Variants in MSI2 observed in about 807,000 individuals in gnomAD.
MSI2 encodes the protein musashi RNA binding protein 2.
In MSI2, 17 loss-of-function variants were observed where a neutral mutation model predicts 45.6. The ratio of observed to expected loss-of-function variants is 0.37; its 90% CI spans 0.26 to 0.56. The LOEUF is 0.56. Among genes scored for constraint, MSI2 ranks in the 20% least tolerant of loss-of-function variants. The pLI is 0.77. For synonymous variants in MSI2, 156 were observed against 158.2 expected (o/e 0.99, Z 0.11); for missense variants, 293 against 444.2 (o/e 0.66, Z 3.06).
chr17:57,266,406 G>A (rs771950014), intron 5 of MSI2: 27 of 152,122 alleles, frequency 1.8e-4, no homozygotes, highest in Non-Finnish European at 3.7e-4. Flanking sequence ...CTGTCGCCCA[G>A]GCTGGAGTGC....
chr17:57,316,708 A>G (rs1462731630), intron 5 of MSI2, among the ~76,000 whole-genome samples: 1 of 151,864 alleles, frequency 6.6e-6, no homozygotes, highest in East Asian at 1.9e-4. Context: ...TGGTCTTTGG[A>G]GGCATGTGAG....
At chr17:57,376,983 C>T (rs57563427) in intron 5 of MSI2, among the ~76,000 whole-genome samples, 11 of 151,024 alleles carry the variant, frequency 7.3e-5, no homozygotes, top group South Asian at 2.1e-4. Context: ...GGCAGTGGCG[C>T]GATCTCGGCT....
chr17:57,264,603 A>G (rs1907609236), intron 5 of MSI2: 1 of 152,256 alleles, frequency 6.6e-6, no homozygotes, highest in Admixed American at 6.5e-5. Flanking sequence ...TTGAATTTAT[A>G]TGCCAGGCAC....
At chr17:57,389,191 C>T (rs2083741262) in intron 5 of MSI2, among the ~76,000 whole-genome samples, 2 of 151,978 alleles carry the variant, frequency 1.3e-5, no homozygotes. Context: ...ATTGGCCAGG[C>T]TGGTCTCAAA....
At position 57,407,343 on chromosome 17, in the gene MSI2, G is replaced by A. The variant is rs2084103539; in HGVS notation, c.405+5872G>A. Among the ~76,000 whole-genome samples, 1 of 152,106 alleles carries A rather than the reference G, an allele frequency of 6.6e-6. No individual in the cohort carries two copies. The highest frequency in any genetic ancestry group is 1.9e-4 in the East Asian group (1 of 5,192). ...TCAGACACCCCTTTTGATACTGTAT[G>A]TGTGAGGAGAGTCATACCTGGAATA... On this transcript the variant is annotated intron_variant, in intron 6 of 13. Coordinates refer to ENST00000284073, the MANE Select transcript of MSI2 (RefSeq NM_138962.4). This position sits in a 1 kb window ranked among gnomAD's most constrained non-coding sequence, Gnocchi z 4.1.
chr17:57,408,348 G>A lies in MSI2; in HGVS notation c.405+6877G>A, dbSNP rs192225712. On this transcript the variant is annotated intron_variant, in intron 6 of 13. Transcript: ENST00000284073. Reference sequence around the variant, plus strand: ...TTAAAATATACAAATAGAAAACTAGGATGCCTTCTGGGTAGCAAGCTGGGA... The same window carrying A: ...TTAAAATATACAAATAGAAAACTAGAATGCCTTCTGGGTAGCAAGCTGGGA... Among the ~76,000 whole-genome samples, 3 of 152,310 alleles carry A rather than the reference G, an allele frequency of 2.0e-5. No individual in the cohort carries two copies. The East Asian group carries it at 5.8e-4, about 29-fold the overall frequency.
At chr17:57,512,023 C>T (rs1479763241) in intron 6 of MSI2, among the ~76,000 whole-genome samples, 1 of 152,190 alleles carries the variant, frequency 6.6e-6, no homozygotes, top group East Asian at 1.9e-4. Context: ...AACCGTCTCC[C>T]CCAGCTAAGT....
chr17:57,362,795 G>A (rs1016266948), intron 5 of MSI2, among the ~76,000 whole-genome samples: 4 of 151,900 alleles, frequency 2.6e-5, no homozygotes, highest in African/African-American at 9.7e-5. Context: ...GCTACTCATA[G>A]AATATTTGTA....
At chr17:57,674,889 C>T (rs1039120514) in intron 11 of MSI2, 83 bp from the exon 12 acceptor site, 16 of 1,568,502 alleles carry the variant, frequency 1.0e-5, no homozygotes, top group Non-Finnish European at 1.4e-5. Context: ...CTTCTGGCCT[C>T]ATACCCAGCT....
intron 7 of MSI2, among the ~76,000 whole-genome samples, chr17:57,539,451 G>A (rs533426409): frequency 1.7e-4 from 25 of 150,986 alleles, no homozygotes; most frequent in Non-Finnish European, 2.4e-4. Flanking sequence ...CAGCACTTTC[G>A]GAGGCCAAGG....
intron 5 of MSI2, among the ~76,000 whole-genome samples, chr17:57,395,541 C>T (rs935116394): frequency 2.6e-5 from 4 of 151,778 alleles, no homozygotes; most frequent in Non-Finnish European, 5.9e-5. Context: ...GTAGTATTGG[C>T]AGTTGTGAGG....
At chr17:57,500,652 G>T (rs769828759) in intron 6 of MSI2, among the ~76,000 whole-genome samples, 5 of 151,810 alleles carry the variant, frequency 3.3e-5, no homozygotes, top group Non-Finnish European at 5.9e-5. Flanking sequence ...GGCACTCAAT[G>T]AAGGACAAGT....
At chr17:57,313,333 A>G (rs888079002) in intron 5 of MSI2, among the ~76,000 whole-genome samples, 1 of 152,232 alleles carries the variant, frequency 6.6e-6, no homozygotes, top group Non-Finnish European at 1.5e-5. Flanking sequence ...GTAAAGCAAC[A>G]GTCCAAATCT....
intron 8 of MSI2, among the ~76,000 whole-genome samples, chr17:57,598,037 G>C (rs2144464644): frequency 6.6e-6 from 1 of 151,854 alleles, no homozygotes; most frequent in East Asian, 1.9e-4. Flanking sequence ...CATAGCATTT[G>C]CACACTCACA....
chr17:57,554,767 T>C (rs533625155), intron 7 of MSI2, among the ~76,000 whole-genome samples: 1 of 152,366 alleles, frequency 6.6e-6, no homozygotes, highest in Non-Finnish European at 1.5e-5. Flanking sequence ...AACTTGCCCA[T>C]GGACACACAG....
intron 7 of MSI2, among the ~76,000 whole-genome samples, chr17:57,588,175 G>A (rs1289789521): frequency 2.6e-5 from 4 of 152,140 alleles, no homozygotes; most frequent in South Asian, 2.1e-4. Context: ...CAGACCCCTC[G>A]CATCCATCGC....
intron 5 of MSI2, among the ~76,000 whole-genome samples, chr17:57,325,587 C>T (rs1913719433): frequency 6.6e-6 from 1 of 152,188 alleles, no homozygotes; most frequent in Non-Finnish European, 1.5e-5. Context: ...AGAGGCCAAG[C>T]CTGGGCACCA....
intron 9 of MSI2, among the ~76,000 whole-genome samples, chr17:57,623,517 T>C (rs1908505823): frequency 6.6e-6 from 1 of 152,158 alleles, no homozygotes; most frequent in African/African-American, 2.4e-5. Context: ...TATTGTTGAT[T>C]TCTGTATTTT....
intron 8 of MSI2, among the ~76,000 whole-genome samples, chr17:57,615,330 C>T (rs1907584191): frequency 6.6e-6 from 1 of 151,794 alleles, no homozygotes; most frequent in South Asian, 2.1e-4. Context: ...GGGGTTTCAC[C>T]ATGTTGCCAG....
Sources: allele counts gnomAD v4.1 joint callset (sites outside exome capture counted in the v4.1 genomes callset), GRCh38; gene constraint gnomAD v4.1.1; non-coding constraint Gnocchi (gnomAD v3.1); transcripts MANE v1.5; gene names NCBI Gene and HGNC (gene_info 2026-07-23, HGNC 2026-07-21).